Variants in RHBDF2 observed in about 807,000 individuals in gnomAD.
RHBDF2 encodes rhomboid 5 homolog 2, also known as inactive rhomboid protein 2.
RHBDF2 carries 38 observed loss-of-function variants against 95.2 expected under a neutral mutation model. The ratio of observed to expected loss-of-function variants is 0.40; its 90% CI spans 0.31 to 0.52. RHBDF2 has a LOEUF of 0.52. Ranked by LOEUF, RHBDF2 falls within the 20% of genes least tolerant of loss-of-function variation. RHBDF2 has a pLI of 0.56. For missense variants in RHBDF2, 863 were observed against 1,137.7 expected (o/e 0.76, Z 3.47); for synonymous variants, 442 against 462.0 (o/e 0.96, Z 0.55).
At chr17:76,474,637 C>A (rs751057742) in intron 11 of RHBDF2, 93 bp downstream of exon 11, 4 of 1,611,884 alleles carry the variant, frequency 2.5e-6, no homozygotes, top group Non-Finnish European at 3.4e-6. Flanking sequence ...GATGAGGGGC[C>A]TGCGGGTGGG....
At chr17:76,492,680 G>A (rs1273757920) in intron 1 of RHBDF2, among the ~76,000 whole-genome samples, 1 of 152,200 alleles carries the variant, frequency 6.6e-6, no homozygotes, top group African/African-American at 2.4e-5. Flanking sequence ...CCCCACACAA[G>A]TGGGTTTCTA....
At chr17:76,480,832 G>T (rs988788286) in intron 3 of RHBDF2, among the ~76,000 whole-genome samples, 2 of 152,180 alleles carry the variant, frequency 1.3e-5, no homozygotes, top group Non-Finnish European at 2.9e-5. Flanking sequence ...CGGGTGAACG[G>T]GGGGCGTTAA....
At position 76,472,678 on chromosome 17, in the gene RHBDF2, A is replaced by G. The variant is rs2073623516; in HGVS notation, c.2064+8T>C. 1.9e-6 allele frequency: 3 copies of G among 1,613,842 alleles called. No individual in the cohort carries two copies. Among genetic ancestry groups the G allele is most frequent in the Admixed American group, 1.7e-5 (1 of 60,010 alleles). ...GTGCGGAAGGGGTCCCATCCTCCACATCCTTACCTCTGCCCGGTATGGGAG... is the reference window on the plus strand; with the variant it reads ...GTGCGGAAGGGGTCCCATCCTCCACGTCCTTACCTCTGCCCGGTATGGGAG... On this transcript the variant is annotated splice_region_variant and intron_variant, in intron 18 of 18. Coordinates refer to ENST00000675367, the MANE Select transcript of RHBDF2 (RefSeq NM_001005498.4).
rs765705489 is a variant in RHBDF2 at position 76,472,770 on chromosome 17, G to A, written c.1980C>T (p.Gly660=). The change falls in exon 18 of 19, where the codon GGC becomes GGT. Residue 660 remains glycine (G), a synonymous_variant. Transcript: ENST00000675367. The stretch of plus-strand genomic sequence containing the variant: ...TGAAGATGATGGCGATACGGTGCCA[G>A]CCGGCCAGCTTCTCCAGGTCCCTCA... ...TILRDLEKLA[G]WHRIAIIFIL... 5 of 1,612,278 alleles carry A rather than the reference G, an allele frequency of 3.1e-6. No homozygotes were observed. The highest frequency in any genetic ancestry group is 4.2e-6 in the Non-Finnish European group (5 of 1,179,246).
At chr17:76,492,862 G>C (rs973336977) in intron 1 of RHBDF2, among the ~76,000 whole-genome samples, 4 of 152,202 alleles carry the variant, frequency 2.6e-5, no homozygotes, top group African/African-American at 9.7e-5. Flanking sequence ...ACAGGGGTGG[G>C]ACGGGACAGG....
intron 1 of RHBDF2, among the ~76,000 whole-genome samples, chr17:76,489,433 C>G (rs1311677525): frequency 6.6e-6 from 1 of 151,516 alleles, no homozygotes; most frequent in Non-Finnish European, 1.5e-5. Flanking sequence ...ACGCCATTCT[C>G]CTGCCTCAGC....
intron 1 of RHBDF2, among the ~76,000 whole-genome samples, chr17:76,495,815 G>A (rs182286561): frequency 2.0e-5 from 3 of 152,266 alleles, no homozygotes; most frequent in African/African-American, 7.2e-5. Context: ...GCTTGTAAAC[G>A]GTCATTAAGG....
At chr17:76,498,545 G>A (rs77614315) in intron 1 of RHBDF2, among the ~76,000 whole-genome samples, 3,604 of 152,070 alleles carry the variant, frequency 0.024, 136 homozygotes, top group African/African-American at 0.078. Flanking sequence ...ACGGGCAGGC[G>A]TGCACAGCTC....
At chr17:76,478,733 T>G in intron 6 of RHBDF2, 73 bp downstream of exon 6, 2 of 1,269,002 alleles carry the variant, frequency 1.6e-6, no homozygotes, top group Non-Finnish European at 2.2e-6. Context: ...GATGCTACTA[T>G]GAGGAGTGGA....
chr17:76,497,986 G>A (rs1390120508), intron 1 of RHBDF2, among the ~76,000 whole-genome samples: 2 of 152,222 alleles, frequency 1.3e-5, no homozygotes, highest in African/African-American at 4.8e-5. Flanking sequence ...CTGCCTTCCA[G>A]TAGCTTTTGG....
Position 76,491,454 on chromosome 17 carries a change from G to A in RHBDF2, c.-219-3545C>T, listed in dbSNP as rs569935682. Among the ~76,000 whole-genome samples the A allele has an allele frequency of 3.9e-5, 6 of 152,210 alleles. No homozygotes were observed. In the South Asian group the frequency reaches 8.3e-4, roughly 21 times the overall value. ...AGTTGGGGGGGGGTCCCGAAGAGAGGTGGCCTGACACCAGACAGCAGAGAC... is the reference window on the plus strand; with the variant it reads ...AGTTGGGGGGGGGTCCCGAAGAGAGATGGCCTGACACCAGACAGCAGAGAC... On this transcript the variant is annotated intron_variant, in intron 1 of 18. Coordinates refer to ENST00000675367, the MANE Select transcript of RHBDF2 (RefSeq NM_001005498.4).
intron 2 of RHBDF2, among the ~76,000 whole-genome samples, chr17:76,486,840 C>G (rs532710439): frequency 6.6e-6 from 1 of 152,184 alleles, no homozygotes; most frequent in South Asian, 2.1e-4. Context: ...GCCAGTCACT[C>G]TGTCCCAGAC....
At chr17:76,475,002 C>G in intron 10 of RHBDF2, 28 bp downstream of exon 10, 1 of 1,533,308 alleles carries the variant, frequency 6.5e-7, no homozygotes, top group African/African-American at 1.4e-5. Context: ...AGGCTGGGAC[C>G]CCCAGCATGG....
chr17:76,484,765 A>G (rs551432803), intron 2 of RHBDF2, among the ~76,000 whole-genome samples: 1 of 152,220 alleles, frequency 6.6e-6, no homozygotes, highest in East Asian at 1.9e-4. Context: ...CCCCTGACCC[A>G]GCTTTCCTGG....
chr17:76,471,473 C>T lies in RHBDF2; in HGVS notation c.*160G>A, dbSNP rs886053469. On this transcript the variant is annotated 3_prime_UTR_variant, in exon 19 of 19. Coordinates refer to ENST00000675367, the MANE Select transcript of RHBDF2 (RefSeq NM_001005498.4). ...CCCCGCCTTAACCAACCATCTCACG[C>T]GGAGTCAGCCTCGCCTGGCAGGGGG... The T allele has an allele frequency of 6.7e-5, 51 of 761,500 alleles. No individual in the cohort carries two copies. The highest frequency in any genetic ancestry group is 3.2e-4 in the African/African-American group (18 of 56,734). 47.2% of individuals were successfully genotyped at this position (761,500 alleles called of 1,614,324 possible). A position where few individuals can be genotyped will look rare whatever the true frequency, so the allele number is the denominator to read the frequency against.
At chr17:76,484,057 T>C (rs1255291114) in intron 2 of RHBDF2, among the ~76,000 whole-genome samples, 2 of 151,768 alleles carry the variant, frequency 1.3e-5, no homozygotes, top group African/African-American at 2.4e-5. Flanking sequence ...AGGTCGGGAG[T>C]TCGAGACCAG....
In RHBDF2 at chr17:76,471,805, C is replaced by T. The variant is rs1257116112; in HGVS notation, c.2312G>A (p.Arg771His). The T allele has an allele frequency of 5.6e-6, 9 of 1,603,346 alleles. No individual in the cohort carries two copies. The highest frequency in any genetic ancestry group is 5.2e-5 in the Admixed American group (3 of 58,052). The change falls in exon 19 of 19, where the codon CGC becomes CAC. Residue 771 changes from arginine to histidine, a missense_variant. Transcript: ENST00000675367. ...TGACACCAGGATGAGTGCCCGCTTGCGGTACTTGTCGCTGGTGCCGAAGGT... is the reference window on the plus strand; with the variant it reads ...TGACACCAGGATGAGTGCCCGCTTGTGGTACTTGTCGCTGGTGCCGAAGGT... ...YITFGTSDKY[R>H]KRALILVSLL...
chr17:76,492,760 A>AGGGCAGGGAGAGCG (rs1240174131), intron 1 of RHBDF2, among the ~76,000 whole-genome samples: 1 of 152,186 alleles, frequency 6.6e-6, no homozygotes, highest in African/African-American at 2.4e-5. Flanking sequence ...TTTATGGGGC[A>AGGGCAGGGAGAGCG]GGGCAGGGAG....
intron 1 of RHBDF2, among the ~76,000 whole-genome samples, chr17:76,500,270 G>T (rs1356725535): frequency 6.6e-6 from 1 of 151,988 alleles, no homozygotes; most frequent in African/African-American, 2.4e-5. Context: ...CCCACTACCT[G>T]CCAGTAACAA....
Sources: gnomAD v4.1 joint callset for allele counts (sites outside exome capture counted in the v4.1 genomes callset) on GRCh38, gnomAD v4.1.1 for gene constraint, MANE v1.5 for transcripts, NCBI Gene and HGNC (gene_info 2026-07-23, HGNC 2026-07-21) for gene names.